The following SOX6 variants were observed in gnomAD, a reference collection of about 807,000 sequenced individuals.
SOX6 encodes the protein transcription factor SOX-6.
In SOX6, 11 loss-of-function variants were observed where a neutral mutation model predicts 97.8. The observed-to-expected ratio is 0.11, with a 90% CI of 0.07 to 0.19. The LOEUF is 0.19. Ranked by LOEUF, SOX6 falls within the 10% of genes least tolerant of loss-of-function variation. The pLI, the probability that SOX6 is intolerant of heterozygous loss-of-function variation, is 1.00. For missense variants in SOX6, 810 were observed against 1,039.5 expected, an observed-to-expected ratio of 0.78 and a Z score of 3.04; for synonymous variants, 360 against 371.4, an observed-to-expected ratio of 0.97 and a Z score of 0.35.
intron 1 of SOX6, chr11:16,402,631 T>G (rs749445635): frequency 6.2e-7 from 1 of 1,604,436 alleles, no homozygotes; most frequent in South Asian, 1.1e-5. Context: ...CCCTTTCATT[T>G]TTTTTAACAA....
chr11:16,360,271 C>A (rs1281086888), upstream of SOX6, among the ~76,000 whole-genome samples: 2 of 152,130 alleles, frequency 1.3e-5, no homozygotes, highest in African/African-American at 4.8e-5. Context: ...TGCACCCTTT[C>A]CACTACATTA....
At chr11:16,358,861 C>T (rs983871557), upstream of SOX6, among the ~76,000 whole-genome samples, 7 of 152,064 alleles carry the variant, frequency 4.6e-5, no homozygotes, top group African/African-American at 1.7e-4. Context: ...CTAAAATTGG[C>T]TTGTGAACCA....
intron 4 of SOX6, among the ~76,000 whole-genome samples, chr11:16,547,689 T>C (rs1356536886): frequency 6.6e-6 from 1 of 152,000 alleles, no homozygotes; most frequent in African/African-American, 2.4e-5. Flanking sequence ...GAGAGACAAA[T>C]AGAAGGAATA....
intron 4 of SOX6, among the ~76,000 whole-genome samples, chr11:16,533,731 C>T (rs1009006466): frequency 2.1e-4 from 32 of 151,764 alleles, no homozygotes; most frequent in African/African-American, 7.2e-4. Flanking sequence ...ATGAAAGTGC[C>T]CAAACACAAG....
At chr11:16,040,820 C>T (rs893212508) in intron 12 of SOX6, among the ~76,000 whole-genome samples, 1 of 151,956 alleles carries the variant, frequency 6.6e-6, no homozygotes, top group African/African-American at 2.4e-5. Flanking sequence ...ACAGTAATAC[C>T]GACATCCCTG....
chr11:15,999,714 A>T (rs971580937), intron 13 of SOX6, among the ~76,000 whole-genome samples: 55 of 152,134 alleles, frequency 3.6e-4, no homozygotes, highest in Admixed American at 1.0e-3. Flanking sequence ...AGAGCAAAAA[A>T]CTATAATTGA....
At chr11:16,021,332 C>T (rs767465067) in intron 12 of SOX6, among the ~76,000 whole-genome samples, 2 of 152,158 alleles carry the variant, frequency 1.3e-5, no homozygotes, top group African/African-American at 2.4e-5. Context: ...TTGTTCTAGA[C>T]GTATCTTGCC....
intron 1 of SOX6, among the ~76,000 whole-genome samples, chr11:16,364,890 C>T (rs1168440183): frequency 1.3e-5 from 2 of 152,032 alleles, no homozygotes; most frequent in South Asian, 2.1e-4. Flanking sequence ...TTATTTAAGC[C>T]TCAATTTTCC....
At chr11:16,261,003 A>G (rs1233056599) in intron 3 of SOX6, among the ~76,000 whole-genome samples, 1 of 152,142 alleles carries the variant, frequency 6.6e-6, no homozygotes, top group Non-Finnish European at 1.5e-5. Context: ...GAAACATTCA[A>G]CCACTCCATT....
chr11:16,584,923 ACT>A (rs1328214431), intron 4 of SOX6, among the ~76,000 whole-genome samples: 2 of 152,090 alleles, frequency 1.3e-5, no homozygotes, highest in Non-Finnish European at 2.9e-5. Context: ...GCCTCTTTAA[ACT>A]CTGTCACTGC....
rs58495641 is a variant in SOX6, at chr11:16,451,983, AAAATAAAT to A, written c.-5+24324_-5+24331del. Among the ~76,000 whole-genome samples the A allele has an allele frequency of 8.4e-3, 1,213 of 143,900 alleles. 16 individuals carry two copies. Among genetic ancestry groups the A allele is most frequent in the African/African-American group, 0.026 (983 of 38,508 alleles). 94.4% of individuals were successfully genotyped at this position (143,900 alleles called of 152,430 possible). On this transcript the variant is annotated intron_variant, in intron 1 of 15. Coordinates refer to the SOX6 transcript ENST00000396356. ...GGGTGACAGAGCAAGACCCTATCTA[AAAATAAAT>A]AAATAAATAAATAAATAAATAAAAT...
At chr11:15,989,980 C>T (rs1411641235) in intron 13 of SOX6, among the ~76,000 whole-genome samples, 4 of 151,868 alleles carry the variant, frequency 2.6e-5, no homozygotes, top group Non-Finnish European at 5.9e-5. Context: ...ATGTCTAAAC[C>T]GAGTCTTCAA....
At chr11:15,991,320 G>A (rs1407934889) in intron 13 of SOX6, among the ~76,000 whole-genome samples, 1 of 152,194 alleles carries the variant, frequency 6.6e-6, no homozygotes, top group African/African-American at 2.4e-5. Flanking sequence ...GCAGTGAAAT[G>A]TAGTGTAGCT....
intron 12 of SOX6, 197 bp from the exon 13 acceptor site, chr11:16,015,247 T>C (rs1854850264): frequency 5.0e-6 from 3 of 597,500 alleles, no homozygotes; most frequent in Non-Finnish European, 8.9e-6. Context: ...ATCTAGACCA[T>C]AGTACCTGTA....
chr11:16,604,128 G>T (rs1848304466), intron 4 of SOX6, among the ~76,000 whole-genome samples: 1 of 152,238 alleles, frequency 6.6e-6, no homozygotes, highest in Admixed American at 6.5e-5. Context: ...GCCGGCCCTT[G>T]GCCGGTTCAG....
At chr11:16,187,384 A>C (rs991438131) in intron 4 of SOX6, among the ~76,000 whole-genome samples, 1 of 152,192 alleles carries the variant, frequency 6.6e-6, no homozygotes, top group Non-Finnish European at 1.5e-5. Flanking sequence ...GCTTAATAAA[A>C]GTTACTTGAG....
At chr11:16,733,034 C>A (rs1336492772) in intron 2 of SOX6, among the ~76,000 whole-genome samples, 6 of 152,032 alleles carry the variant, frequency 3.9e-5, no homozygotes, top group African/African-American at 1.2e-4. Context: ...CTACAATCAT[C>A]TCACACCAGT....
intron 2 of SOX6, among the ~76,000 whole-genome samples, chr11:16,325,302 T>G (rs1386835586): frequency 1.3e-5 from 2 of 152,146 alleles, no homozygotes; most frequent in Non-Finnish European, 1.5e-5. Flanking sequence ...TTTATATGTG[T>G]GCATAAGTGT....
rs542433692 is a variant in SOX6 at position 16,317,293 on chromosome 11, A to C, written c.445+1153T>G. ...TATAATACAATAAGCCAAATGTATA[A>C]GTTTATAGTTAATATTCATATAGTT... On this transcript the variant is annotated intron_variant, in intron 3 of 15. Coordinates refer to ENST00000683767, the MANE Select transcript of SOX6 (RefSeq NM_001367873.1). 7 of 151,390 alleles carry C rather than the reference A, an allele frequency of 4.6e-5. No homozygotes were observed. The East Asian group carries it at 1.4e-3, about 29-fold the overall frequency. 9.4% of individuals were successfully genotyped at this position (151,390 alleles called of 1,614,324 possible). A position where few individuals can be genotyped will look rare whatever the true frequency, so the allele number is the denominator to read the frequency against.
Sources: gnomAD v4.1 joint callset for allele counts (sites outside exome capture counted in the v4.1 genomes callset) on GRCh38, gnomAD v4.1.1 for gene constraint, MANE v1.5 for transcripts, NCBI Gene and HGNC (gene_info 2026-07-23, HGNC 2026-07-21) for gene names.